Variants in RANBP17 observed in about 807,000 individuals in gnomAD.
RANBP17 encodes ran-binding protein 17.
Under a neutral mutation model 141.2 loss-of-function variants are expected in RANBP17, and 158 were observed. The observed-to-expected ratio is 1.12, with a 90% confidence interval of 0.98 to 1.28. The LOEUF is 1.28. RANBP17 is among the 50% of genes most tolerant of loss of function. The pLI is 0.00. For synonymous variants in RANBP17, 430 were observed against 450.0 expected (o/e 0.96, Z 0.56); for missense variants, 1,438 against 1,290.7 (o/e 1.11, Z -1.75).
At chr5:171,189,475 G>T (rs77753874) in intron 18 of RANBP17, among the ~76,000 whole-genome samples, 9,282 of 152,198 alleles carry the variant, frequency 0.061, 374 homozygotes, top group East Asian at 0.12. Flanking sequence ...ACCAGTCAGG[G>T]TCTTTACATT....
chr5:170,882,531 C>T (rs1034291598), intron 3 of RANBP17, among the ~76,000 whole-genome samples: 2 of 150,176 alleles, frequency 1.3e-5, no homozygotes, highest in African/African-American at 2.5e-5. Context: ...GGCTCTGTCA[C>T]GTGCCCGAGA....
rs978534022 is a variant in RANBP17 at position 171,147,812 on chromosome 5, A to G, written c.1711-22318A>G. Among the ~76,000 whole-genome samples, 191 of 152,218 alleles carry G rather than the reference A, an allele frequency of 1.3e-3. 3 individuals carry two copies. In the East Asian group the frequency reaches 0.035, roughly 28 times the overall value. Reference sequence around the variant, plus strand: ...GGCCAGCCGCCCCGTCCGGGACGTGAGGGGTGCCTCTGCCCGGCCGCCCTT... The same window carrying G: ...GGCCAGCCGCCCCGTCCGGGACGTGGGGGGTGCCTCTGCCCGGCCGCCCTT... On this transcript the variant is annotated intron_variant, in intron 14 of 27. Transcript: ENST00000523189.
At chr5:170,965,770 G>A (rs562732552) in intron 13 of RANBP17, among the ~76,000 whole-genome samples, 1 of 152,188 alleles carries the variant, frequency 6.6e-6, no homozygotes, top group East Asian at 1.9e-4. Context: ...CTCTGTTTTG[G>A]TACCAGTACC....
intron 14 of RANBP17, among the ~76,000 whole-genome samples, chr5:171,147,259 C>A (rs549604875): frequency 6.8e-6 from 1 of 147,036 alleles, no homozygotes; most frequent in Admixed American, 6.9e-5. Context: ...TAAACATTTG[C>A]TATTATTTTG....
chr5:171,131,450 A>G (rs1009838560), intron 14 of RANBP17, among the ~76,000 whole-genome samples: 5 of 152,188 alleles, frequency 3.3e-5, no homozygotes, highest in Non-Finnish European at 7.3e-5. Context: ...GTTCATTCAG[A>G]TGGCTTATGA....
intron 12 of RANBP17, among the ~76,000 whole-genome samples, chr5:170,925,069 G>T (rs1310029658): frequency 6.6e-6 from 1 of 151,940 alleles, no homozygotes; most frequent in Non-Finnish European, 1.5e-5. Context: ...AGGAACATAG[G>T]GAGTAAAAAT....
chr5:171,172,865 A>G (rs1760196905), intron 16 of RANBP17, among the ~76,000 whole-genome samples: 1 of 151,810 alleles, frequency 6.6e-6, no homozygotes, highest in South Asian at 2.1e-4. Flanking sequence ...TTTAATTCAA[A>G]TATTATAGCC....
intron 12 of RANBP17, among the ~76,000 whole-genome samples, chr5:170,933,927 G>T (rs1440844983): frequency 6.6e-6 from 1 of 152,098 alleles, no homozygotes; most frequent in Non-Finnish European, 1.5e-5. Flanking sequence ...ATGTCTATTA[G>T]GTCTGCTTGG....
intron 14 of RANBP17, among the ~76,000 whole-genome samples, chr5:171,075,611 A>G (rs1425625384): frequency 6.6e-6 from 1 of 152,144 alleles, no homozygotes; most frequent in Admixed American, 6.6e-5. Flanking sequence ...TCTAAAATTG[A>G]TTGTGGTGAC....
chr5:171,111,171 T>G lies in RANBP17; in HGVS notation c.1711-58959T>G, dbSNP rs190347292. ...GAGTATTCTTCTTGTATCTGCTGTT[T>G]TTTCAGTGCCGTTAACTCAAAATAT... On this transcript the variant is annotated intron_variant, in intron 14 of 27. Transcript: ENST00000523189. 1.5e-4 allele frequency among the ~76,000 whole-genome samples: 23 copies of G among 152,256 alleles called. No individual in the cohort carries two copies. The East Asian group carries it at 4.3e-3, about 28-fold the overall frequency.
At chr5:171,137,844 C>T (rs888672538) in intron 14 of RANBP17, among the ~76,000 whole-genome samples, 2 of 151,414 alleles carry the variant, frequency 1.3e-5, no homozygotes, top group African/African-American at 4.9e-5. Context: ...TTTATCTCTA[C>T]TTTTTTAATG....
At chr5:171,088,036 G>A (rs1785829841) in intron 14 of RANBP17, among the ~76,000 whole-genome samples, 1 of 151,474 alleles carries the variant, frequency 6.6e-6, no homozygotes, top group Admixed American at 6.6e-5. Flanking sequence ...TTGCTCGTTA[G>A]TTGATGCAGT....
chr5:170,897,369 T>G (rs946406181), intron 5 of RANBP17: 49 of 493,206 alleles, frequency 9.9e-5, no homozygotes, highest in African/African-American at 9.1e-4. Flanking sequence ...CTTTTTTTTT[T>G]TTAAATATTC....
At chr5:171,147,401 GT>G (rs33983934) in intron 14 of RANBP17, among the ~76,000 whole-genome samples, 72 of 103,956 alleles carry the variant, frequency 6.9e-4, no homozygotes, top group Non-Finnish European at 1.1e-3. Flanking sequence ...TTTTTTGTGT[GT>G]TTTTTTTTTT....
At chr5:171,202,835 TC>T (rs1353906099) in intron 19 of RANBP17, among the ~76,000 whole-genome samples, 1 of 152,180 alleles carries the variant, frequency 6.6e-6, no homozygotes, top group Non-Finnish European at 1.5e-5. Context: ...ACCTTCTTTT[TC>T]TTTGTTGTTA....
At chr5:170,902,772 C>T (rs1164459221) in intron 5 of RANBP17, among the ~76,000 whole-genome samples, 2 of 152,202 alleles carry the variant, frequency 1.3e-5, no homozygotes, top group Non-Finnish European at 2.9e-5. Flanking sequence ...TTCTAACAGT[C>T]AGGCCCCTCT....
rs578045818 is a variant in RANBP17, at chr5:171,179,489, CAT to C, written c.1866-3677_1866-3676del. Among the ~76,000 whole-genome samples, 822 of 152,220 alleles carry C rather than the reference CAT, an allele frequency of 5.4e-3. 8 individuals carry two copies. The highest frequency in any genetic ancestry group is 0.019 in the African/African-American group (783 of 41,526). On this transcript the variant is annotated intron_variant, in intron 16 of 27. Transcript: ENST00000523189. The stretch of plus-strand genomic sequence containing the variant: ...ATAACCTAAGTACAGCAATTTCTGA[CAT>C]GTAATATTGTCATCTGTGAACTTTC...
At position 171,298,785 on chromosome 5, in the gene RANBP17, T is replaced by G. The variant is rs758668792; in HGVS notation, c.3194T>G (p.Phe1065Cys). The change falls in exon 28 of 28, where the codon TTC becomes TGC. Residue 1065 changes from phenylalanine to cysteine, a missense_variant. Transcript: ENST00000523189. ...RDRFTQNLSV[F>C]RRDVAEALRS... ...AGGTTCACCCAAAATCTGTCTGTATTCAGAAGAGATGTGGCAGAGGCGTTG... is the reference window on the plus strand; with the variant it reads ...AGGTTCACCCAAAATCTGTCTGTATGCAGAAGAGATGTGGCAGAGGCGTTG... 1 of 1,614,034 alleles carries G rather than the reference T, an allele frequency of 6.2e-7. No individual in the cohort carries two copies. The highest frequency in any genetic ancestry group is 8.5e-7 in the Non-Finnish European group (1 of 1,179,990).
At chr5:171,217,223 C>T (rs1403822513) in intron 21 of RANBP17, among the ~76,000 whole-genome samples, 1 of 152,116 alleles carries the variant, frequency 6.6e-6, no homozygotes, top group Admixed American at 6.5e-5. Flanking sequence ...TATTGATTTG[C>T]ATATGTTGAA....
Sources: allele counts gnomAD v4.1 joint callset (sites outside exome capture counted in the v4.1 genomes callset), GRCh38; gene constraint gnomAD v4.1.1; transcripts MANE v1.5; gene names NCBI Gene and HGNC (gene_info 2026-07-23, HGNC 2026-07-21).